ABI3BP: variants seen among roughly 807,000 people sequenced by gnomAD.
ABI3BP encodes ABI family member 3 binding protein.
A neutral mutation model predicts 268.6 loss-of-function variants in ABI3BP; 216 were observed. That is an observed-to-expected ratio of 0.80 (90% CI 0.72 to 0.90). ABI3BP has a LOEUF of 0.90. Among genes scored for constraint, ABI3BP ranks in the 40% least tolerant of loss-of-function variants. The probability of loss-of-function intolerance (pLI) is 0.00; values close to 1 mark genes in which losing one functional copy is unlikely to be tolerated. For missense variants in ABI3BP, 2,090 were observed against 2,182.4 expected, an observed-to-expected ratio of 0.96 and a Z score of 0.84; for synonymous variants, 730 against 730.0, an observed-to-expected ratio of 1.00 and a Z score of 0.00.
intron 2 of ABI3BP, among the ~76,000 whole-genome samples, chr3:100,904,751 T>G (rs1291243566): frequency 1.3e-5 from 2 of 152,110 alleles, no homozygotes; most frequent in Non-Finnish European, 2.9e-5. Context: ...CATTAAAAAG[T>G]CAGGAAACAA....
At chr3:100,773,227 A>G (rs1468173755) in intron 61 of ABI3BP, among the ~76,000 whole-genome samples, 4 of 152,222 alleles carry the variant, frequency 2.6e-5, no homozygotes, top group Non-Finnish European at 5.9e-5. Flanking sequence ...CAAAGTATGT[A>G]TCTAAAAATG....
chr3:100,927,070 G>A (rs2062017209), intron 1 of ABI3BP, among the ~76,000 whole-genome samples: 1 of 152,164 alleles, frequency 6.6e-6, no homozygotes, highest in African/African-American at 2.4e-5. Flanking sequence ...GCCCAGTAGT[G>A]AGTGGGATTT....
Position 100,839,614 on chromosome 3 carries a change from G to C in ABI3BP, c.1900C>G (p.Leu634Val). 2.0e-6 allele frequency: 3 copies of C among 1,535,792 alleles called. No individual in the cohort carries two copies. Among genetic ancestry groups the C allele is most frequent in the South Asian group, 2.4e-5 (2 of 84,058 alleles). Residue 634 changes from leucine (L) to valine (V), a missense_variant and splice_region_variant, in exon 24 of 68, where the codon CTG becomes GTG. Transcript: ENST00000471714. ...SPEVPKSKPA[L>V]EPATIQPEPL... ...TCCGGTTGTATCGTGGCAGGTTCCA[G>C]AGCTACAGAAGCAAATACCAAAAAC...
At position 100,770,726 on chromosome 3, in the gene ABI3BP, T is replaced by A. The variant is rs2096523760; in HGVS notation, c.4741+17A>T. ...TCAAAGCTTCCCACCATAACAGTCC[T>A]CATGCCATGATCTTACCAGTGACAG... On this transcript the variant is annotated intron_variant, in intron 62 of 67. Coordinates refer to ENST00000471714, the MANE Select transcript of ABI3BP (RefSeq NM_001375547.2). 6.9e-7 allele frequency: 1 copy of A among 1,456,576 alleles called. No individual in the cohort carries two copies. 90.2% of individuals were successfully genotyped at this position (1,456,576 alleles called of 1,614,324 possible).
At chr3:100,989,228 C>T (rs1465147177) in intron 1 of ABI3BP, among the ~76,000 whole-genome samples, 6 of 152,082 alleles carry the variant, frequency 3.9e-5, no homozygotes, top group African/African-American at 1.4e-4. Context: ...CTTCCAGAAC[C>T]GTGAAAAATA....
At position 100,863,991 on chromosome 3, in the gene ABI3BP, T is replaced by C; in HGVS notation, c.1138+11A>G. The C allele has an allele frequency of 6.6e-7, 1 of 1,509,070 alleles. No individual in the cohort carries two copies. The highest frequency in any genetic ancestry group is 2.5e-5 in the East Asian group (1 of 40,792). 93.5% of individuals were successfully genotyped at this position (1,509,070 alleles called of 1,614,324 possible). On this transcript the variant is annotated intron_variant, in intron 12 of 67. Transcript: ENST00000471714. ...GGTAATAATAAAGCTGCAGTATTTA[T>C]TATTTTTTACCTAGAGTGCTCAGTG...
chr3:100,921,208 C>T (rs948485794), intron 2 of ABI3BP, among the ~76,000 whole-genome samples: 1 of 152,200 alleles, frequency 6.6e-6, no homozygotes, highest in Non-Finnish European at 1.5e-5. Context: ...GGAAGACAAA[C>T]TCTTCAATCA....
In ABI3BP at chr3:100,979,951, T is replaced by C. The variant is rs548854269; in HGVS notation, c.79+13355A>G. Among the ~76,000 whole-genome samples the C allele has an allele frequency of 3.3e-4, 51 of 152,360 alleles. No individual in the cohort carries two copies. The East Asian group carries it at 9.6e-3, about 29-fold the overall frequency. On this transcript the variant is annotated intron_variant, in intron 1 of 67. Transcript: ENST00000471714. Reference sequence around the variant, plus strand: ...AGAAGGAATTTTGACTAACCTGTACTATGAAGTATTGTTAATTCTCTAAGT... The same window carrying C: ...AGAAGGAATTTTGACTAACCTGTACCATGAAGTATTGTTAATTCTCTAAGT...
intron 14 of ABI3BP, among the ~76,000 whole-genome samples, chr3:100,860,461 C>T (rs990779458): frequency 4.6e-5 from 7 of 152,252 alleles, no homozygotes; most frequent in Middle Eastern, 3.4e-3. Context: ...CTGCATTAGC[C>T]GCTGCTCATA....
intron 2 of ABI3BP, among the ~76,000 whole-genome samples, chr3:100,922,541 TGATGGTGATGGTGATGGC>T (rs1188535422): frequency 6.6e-6 from 1 of 151,324 alleles, no homozygotes; most frequent in East Asian, 1.9e-4. Flanking sequence ...ATGGTGATGG[TGATGGTGATGGTGATGGC>T]GATGGCGATG....
intron 4 of ABI3BP, among the ~76,000 whole-genome samples, chr3:100,889,464 T>C (rs13079711): frequency 0.44 from 67,267 of 152,006 alleles, 17,083 homozygotes; most frequent in South Asian, 0.6. Flanking sequence ...ATTGAAGGCT[T>C]TTTAGTTTTT....
intron 2 of ABI3BP, among the ~76,000 whole-genome samples, chr3:100,910,550 A>T (rs1288921523): frequency 1.3e-5 from 2 of 150,900 alleles, no homozygotes; most frequent in African/African-American, 4.9e-5. Flanking sequence ...TTTTTTTTAA[A>T]AAAAAAATAG....
At chr3:100,964,423 C>T (rs371334277) in intron 1 of ABI3BP, among the ~76,000 whole-genome samples, 13 of 152,262 alleles carry the variant, frequency 8.5e-5, no homozygotes, top group South Asian at 4.2e-4. Context: ...CGCCGCCAGC[C>T]GGTCCTTTCT....
rs1357563310 is a variant in ABI3BP at position 100,919,212 on chromosome 3, C to T, written c.259+7090G>A. 2.6e-5 allele frequency among the ~76,000 whole-genome samples: 4 copies of T among 151,690 alleles called. No homozygotes were observed. In the East Asian group the frequency reaches 7.7e-4, roughly 29 times the overall value. On this transcript the variant is annotated intron_variant, in intron 2 of 67. Transcript: ENST00000471714. ...TCTTCTTTATATTCCCTATATAGTT[C>T]CTTCAGTTATTTTCAACCCCTATTT... is the stretch of plus-strand genomic sequence containing the variant.
intron 1 of ABI3BP, among the ~76,000 whole-genome samples, chr3:100,954,410 C>T (rs1311746974): frequency 1.3e-5 from 2 of 152,178 alleles, no homozygotes; most frequent in Non-Finnish European, 2.9e-5. Flanking sequence ...CTATCAGTCA[C>T]GAAATCCCTT....
intron 63 of ABI3BP, among the ~76,000 whole-genome samples, chr3:100,763,194 C>T (rs922417169): frequency 2.6e-5 from 4 of 152,084 alleles, no homozygotes; most frequent in African/African-American, 9.7e-5. Flanking sequence ...GGCGTGGTGG[C>T]TCACACCTGT....
rs114580485 is a variant in ABI3BP, at chr3:100,805,863, C to A, written c.3683-997G>T. ...ATGTCAAAATGATGTGAAAATTATA[C>A]TATTATAAATTTTTTTTCCACTTCT... is the stretch of plus-strand genomic sequence containing the variant. On this transcript the variant is annotated intron_variant, in intron 50 of 67. Transcript: ENST00000471714. Among the ~76,000 whole-genome samples, 571 of 152,072 alleles carry A rather than the reference C, an allele frequency of 3.8e-3. 4 individuals carry two copies. Among genetic ancestry groups the A allele is most frequent in the African/African-American group, 0.013 (541 of 41,506 alleles).
chr3:100,871,967 G>A (rs886957484), intron 9 of ABI3BP, among the ~76,000 whole-genome samples: 3 of 152,144 alleles, frequency 2.0e-5, no homozygotes, highest in African/African-American at 7.2e-5. Flanking sequence ...CTTCTGAGTA[G>A]TTAGGACTAC....
chr3:100,833,007 A>C (rs1376327492), intron 30 of ABI3BP, 118 bp downstream of exon 30: 1 of 836,750 alleles, frequency 1.2e-6, no homozygotes, highest in Admixed American at 3.3e-5. Context: ...CCATATTTTG[A>C]GATGAATACT....
Sources: allele counts gnomAD v4.1 joint callset (sites outside exome capture counted in the v4.1 genomes callset), GRCh38; gene constraint gnomAD v4.1.1; transcripts MANE v1.5; gene names NCBI Gene and HGNC (gene_info 2026-07-23, HGNC 2026-07-21).